RGS12: variants seen among roughly 807,000 people sequenced by gnomAD.
The protein encoded by RGS12 is regulator of G protein signaling 12.
RGS12 carries 66 observed loss-of-function variants against 120.1 expected under a neutral mutation model. The ratio of observed to expected loss-of-function variants is 0.55; its 90% CI spans 0.45 to 0.67. The LOEUF (loss-of-function observed/expected upper bound fraction) is 0.67, where lower values mean the gene tolerates loss of function less well. Ranked by LOEUF, RGS12 falls within the 30% of genes least tolerant of loss-of-function variation. The pLI is 0.00. For synonymous variants in RGS12, 827 were observed against 804.7 expected, an observed-to-expected ratio of 1.03 and a Z score of -0.47; for missense variants, 1,859 against 1,957.7, an observed-to-expected ratio of 0.95 and a Z score of 0.95.
chr4:3,412,563 T>C (rs549938903), intron 4 of RGS12, among the ~76,000 whole-genome samples: 5 of 152,356 alleles, frequency 3.3e-5, no homozygotes, highest in East Asian at 1.9e-4. Flanking sequence ...TTTACAGCAG[T>C]GCCAGCCTGG....
intron 2 of RGS12, among the ~76,000 whole-genome samples, chr4:3,328,085 A>C (rs1030838814): frequency 1.3e-5 from 2 of 152,254 alleles, no homozygotes; most frequent in African/African-American, 2.4e-5. Context: ...CTTGTCTTTC[A>C]CAGCCACATG....
chr4:3,292,915 C>A (rs1450780317), upstream of RGS12: 2 of 150,450 alleles, frequency 1.3e-5, no homozygotes, highest in African/African-American at 2.4e-5. Context: ...CGCCCCGCCC[C>A]AACCCCACCC....
At chr4:3,371,734 A>G (rs1471383389) in intron 3 of RGS12, among the ~76,000 whole-genome samples, 1 of 152,208 alleles carries the variant, frequency 6.6e-6, no homozygotes, top group Admixed American at 6.5e-5. Context: ...GGGGCTGGAA[A>G]GCCTCTGGGG....
intron 4 of RGS12, among the ~76,000 whole-genome samples, chr4:3,410,759 T>C (rs1271707781): frequency 6.6e-6 from 1 of 152,178 alleles, no homozygotes; most frequent in Non-Finnish European, 1.5e-5. Context: ...ATGGCTGGCG[T>C]TCTGTGATGA....
Position 3,414,230 on chromosome 4 carries a change from C to A in RGS12, c.2179C>A (p.Arg727Ser). The A allele has an allele frequency of 6.5e-7, 1 of 1,541,008 alleles. No individual in the cohort carries two copies. ...ERLLQDPVGV[R>S]YFSDFLRKEF... ...CCTGCTGCAGGACCCCGTCGGTGTCCGCTACTTCTCTGTGAGTAGGGAAGG... is the reference window on the plus strand; with the variant it reads ...CCTGCTGCAGGACCCCGTCGGTGTCAGCTACTTCTCTGTGAGTAGGGAAGG... Residue 727 changes from arginine to serine, a missense_variant, in exon 5 of 18, where the codon CGC (arginine) becomes AGC (serine). By Grantham distance (110) the Arg-to-Ser change is moderately radical. Transcript: ENST00000336727.
chr4:3,339,952 C>A (rs191777933), intron 2 of RGS12, among the ~76,000 whole-genome samples: 78 of 152,338 alleles, frequency 5.1e-4, no homozygotes, highest in Admixed American at 2.4e-3. Flanking sequence ...TCTCACAAAG[C>A]CATGGGTTCA....
At chr4:3,295,707 C>A (rs1560634786) in intron 1 of RGS12, among the ~76,000 whole-genome samples, 1 of 147,220 alleles carries the variant, frequency 6.8e-6, no homozygotes, top group East Asian at 2.0e-4. Context: ...CAAAGACAAA[C>A]CAACAACAAC....
intron 3 of RGS12, among the ~76,000 whole-genome samples, chr4:3,373,397 C>T (rs958746560): frequency 1.3e-5 from 2 of 152,164 alleles, no homozygotes; most frequent in Non-Finnish European, 2.9e-5. Flanking sequence ...AAGAGGGTTT[C>T]GGGGGCGTGC....
At position 3,413,821 on chromosome 4, in the gene RGS12, CAT is replaced by C. The variant is rs2109100140; in HGVS notation, c.2021-250_2021-249del. ...TGCTGTGTGGGCCTGCACATGTGAA[CAT>C]GTGTGTGTGCTCGTGCACACACATG... On this transcript the variant is annotated intron_variant, in intron 4 of 17. Transcript: ENST00000336727. 4 of 482,534 alleles carry C rather than the reference CAT, an allele frequency of 8.3e-6. No homozygotes were observed. The East Asian group carries it at 9.2e-5, about 11-fold the overall frequency. 29.9% of individuals were successfully genotyped at this position (482,534 alleles called of 1,614,324 possible).
intron 5 of RGS12, 98 bp from the exon 6 acceptor site, chr4:3,414,654 C>G (rs1446192287): frequency 3.4e-6 from 3 of 871,546 alleles, no homozygotes; most frequent in Non-Finnish European, 1.9e-6. Flanking sequence ...GGGCAGCTCA[C>G]TGAGCAGCCA....
At chr4:3,336,783 C>T (rs1444818722) in intron 2 of RGS12, among the ~76,000 whole-genome samples, 1 of 152,084 alleles carries the variant, frequency 6.6e-6, no homozygotes, top group African/African-American at 2.4e-5. Flanking sequence ...GAAGGCAACC[C>T]ACAGAATGGG....
rs572843416 is a variant in RGS12 at position 3,317,941 on chromosome 4, G to A, written c.1771G>A (p.Ala591Thr). The A allele has an allele frequency of 1.2e-5, 20 of 1,614,190 alleles. No homozygotes were observed. In the East Asian group the frequency reaches 2.0e-4, roughly 16 times the overall value. Reference sequence around the variant, plus strand: ...CCGCTACAGGGTGGAGGGCAGCTTCGCGCAGCCCCCGCTGAATGCCCCGAA... The same window carrying A: ...CCGCTACAGGGTGGAGGGCAGCTTCACGCAGCCCCCGCTGAATGCCCCGAA... ...ADRYRVEGSF[A>T]QPPLNAPKRE... is the part of the protein sequence containing the mutation. Residue 591 changes from alanine to threonine, a missense_variant, in exon 2 of 18, where the codon GCG becomes ACG. Coordinates refer to ENST00000336727, the MANE Select transcript of RGS12 (RefSeq NM_001394154.1).
chr4:3,413,945 T>C (rs1045930111), intron 4 of RGS12, 127 bp from the exon 5 acceptor site: 4 of 944,616 alleles, frequency 4.2e-6, no homozygotes, highest in Non-Finnish European at 6.2e-6. Context: ...GCATAGTTGT[T>C]GACTGAATGG....
At chr4:3,355,511 CA>C (rs1157118871) in intron 3 of RGS12, among the ~76,000 whole-genome samples, 1 of 151,984 alleles carries the variant, frequency 6.6e-6, no homozygotes, top group Non-Finnish European at 1.5e-5. Flanking sequence ...ACAGAAGATC[CA>C]AAAGTCCCGT....
chr4:3,340,031 G>A (rs182959366), intron 2 of RGS12, among the ~76,000 whole-genome samples: 56 of 152,358 alleles, frequency 3.7e-4, no homozygotes, highest in African/African-American at 1.3e-3. Flanking sequence ...GTCACTCATT[G>A]CTTTAGCAGT....
intron 3 of RGS12, among the ~76,000 whole-genome samples, chr4:3,351,938 C>T (rs886591718): frequency 1.3e-5 from 2 of 152,122 alleles, no homozygotes; most frequent in East Asian, 3.8e-4. Context: ...ATCCCATACC[C>T]ATTATTTAGA....
chr4:3,389,713 G>A lies in RGS12; in HGVS notation c.2020+3276G>A, dbSNP rs775980150. Among the ~76,000 whole-genome samples, 20 of 152,264 alleles carry A rather than the reference G, an allele frequency of 1.3e-4. No individual in the cohort carries two copies. The South Asian group carries it at 1.7e-3, about 13-fold the overall frequency. The stretch of plus-strand genomic sequence containing the variant: ...GAGACTATCGGGGAGCTCCCAGAGC[G>A]CCCACCTCCTCCTGCGTACGGCGTC... On this transcript the variant is annotated intron_variant, in intron 4 of 17. Coordinates refer to ENST00000336727, the MANE Select transcript of RGS12 (RefSeq NM_001394154.1). The surrounding 1 kb of genome is among the most constrained non-coding windows in gnomAD (Gnocchi z 5.2).
At chr4:3,323,471 C>G (rs899818901) in intron 2 of RGS12, among the ~76,000 whole-genome samples, 1 of 152,226 alleles carries the variant, frequency 6.6e-6, no homozygotes, top group Admixed American at 6.5e-5. Context: ...TATTCTCTTC[C>G]TTTTCCTTCC....
intron 13 of RGS12, 51 bp downstream of exon 13, chr4:3,423,692 C>G (rs530265791): frequency 1.7e-5 from 27 of 1,572,658 alleles, no homozygotes; most frequent in Middle Eastern, 2.2e-4. Flanking sequence ...CTGTCTGTTC[C>G]CTTTGGCAGC....
Sources: gnomAD v4.1 joint callset for allele counts (sites outside exome capture counted in the v4.1 genomes callset) on GRCh38, gnomAD v4.1.1 for gene constraint, Gnocchi (gnomAD v3.1) non-coding constraint, MANE v1.5 for transcripts, NCBI Gene and HGNC (gene_info 2026-07-23, HGNC 2026-07-21) for gene names.